Variants in MC2R observed in about 807,000 individuals in gnomAD.
MC2R encodes melanocortin 2 receptor, also known as adrenocorticotropic hormone receptor.
A neutral mutation model predicts 9.8 loss-of-function variants in MC2R; 9 were observed. That is an observed-to-expected ratio of 0.92 (90% CI 0.55 to 1.60). The LOEUF (loss-of-function observed/expected upper bound fraction) is 1.60. Among genes scored for constraint, MC2R ranks in the 40% most tolerant of loss-of-function variants. MC2R has a pLI of 0.00. For missense variants in MC2R, 370 were observed against 389.0 expected (o/e 0.95, Z 0.41); for synonymous variants, 185 against 154.7 (o/e 1.20, Z -1.45).
At chr18:13,899,269 A>T (rs571466685) in intron 1 of MC2R, among the ~76,000 whole-genome samples, 3 of 152,332 alleles carry the variant, frequency 2.0e-5, no homozygotes, top group Non-Finnish European at 4.4e-5. Flanking sequence ...AAGCAGAAGA[A>T]AGAATTAATG....
intron 1 of MC2R, among the ~76,000 whole-genome samples, chr18:13,902,844 C>T (rs8084185): frequency 0.49 from 73,900 of 151,904 alleles, 18,405 homozygotes; most frequent in Middle Eastern, 0.61. Flanking sequence ...ACAAATGGGA[C>T]CACATCAAGT....
Position 13,884,856 on chromosome 18 carries a change from C to G in MC2R, c.663G>C (p.Leu221=), listed in dbSNP as rs2045263785. The G allele has an allele frequency of 6.2e-7, 1 of 1,613,908 alleles. No homozygotes were observed. Among genetic ancestry groups the G allele is most frequent in the East Asian group, 2.2e-5 (1 of 44,880 alleles). The change falls in exon 2 of 2, where the codon CTG becomes CTC. Residue 221 remains leucine (L), a synonymous_variant. Coordinates refer to ENST00000327606, the MANE Select transcript of MC2R (RefSeq NM_000529.2). The stretch of plus-strand genomic sequence containing the variant: ...AGATGAAGACCCCGAGCAGGATGGT[C>G]AGTGTGATGGCCCCTTTCATGTTGG... ...PRANMKGAIT[L]TILLGVFIFC...
At chr18:13,895,767 A>G (rs995873364) in intron 1 of MC2R, among the ~76,000 whole-genome samples, 1 of 152,188 alleles carries the variant, frequency 6.6e-6, no homozygotes, top group South Asian at 2.1e-4. Context: ...TGTGGGACTG[A>G]AAGTGCAGGG....
chr18:13,914,488 G>C lies in MC2R; in HGVS notation c.-129+1000C>G, dbSNP rs142494651. 6.0e-3 allele frequency among the ~76,000 whole-genome samples: 915 copies of C among 152,328 alleles called. 8 individuals are homozygous for C. The highest frequency in any genetic ancestry group is 0.021 in the African/African-American group (876 of 41,562). On this transcript the variant is annotated intron_variant, in intron 1 of 1. Coordinates refer to ENST00000327606, the MANE Select transcript of MC2R (RefSeq NM_000529.2). ...GACCACCGCTTCACTCCCACTCCGG[G>C]GATGGGGTGGGGAGGGCATGTGAGG...
In MC2R at chr18:13,884,121, C is replaced by A; in HGVS notation, c.*504G>T. 1 of 197,632 alleles carries A rather than the reference C, an allele frequency of 5.1e-6. No individual in the cohort carries two copies. Among genetic ancestry groups the A allele is most frequent in the Non-Finnish European group, 1.1e-5 (1 of 95,048 alleles). 12.2% of individuals were successfully genotyped at this position (197,632 alleles called of 1,614,324 possible). A position where few individuals can be genotyped will look rare whatever the true frequency, so the allele number is the denominator to read the frequency against. Reference sequence around the variant, plus strand: ...TGCATTCCTTCCAATTTATTATTGGCTTACAGAGACCCTACATCTTCTGCC... The same window carrying A: ...TGCATTCCTTCCAATTTATTATTGGATTACAGAGACCCTACATCTTCTGCC... On this transcript the variant is annotated 3_prime_UTR_variant, in exon 2 of 2. Coordinates refer to ENST00000327606, the MANE Select transcript of MC2R (RefSeq NM_000529.2).
chr18:13,904,655 A>AACAGGT (rs1555620863), intron 1 of MC2R, among the ~76,000 whole-genome samples: 71,523 of 149,434 alleles, frequency 0.48, 17,443 homozygotes, highest in Middle Eastern at 0.59. Flanking sequence ...CAGTAACCAA[A>AACAGGT]ACAGTAACCA....
At chr18:13,888,236 G>T (rs564551077) in intron 1 of MC2R, among the ~76,000 whole-genome samples, 1 of 152,282 alleles carries the variant, frequency 6.6e-6, no homozygotes, top group South Asian at 2.1e-4. Flanking sequence ...TCCATGGGGA[G>T]CCCTGAATTT....
chr18:13,902,469 G>T (rs2045386045), intron 1 of MC2R, among the ~76,000 whole-genome samples: 1 of 152,006 alleles, frequency 6.6e-6, no homozygotes, highest in African/African-American at 2.4e-5. Context: ...ACCAAAACAG[G>T]CATGGTACTG....
At chr18:13,906,086 G>GA (rs764860125) in intron 1 of MC2R, among the ~76,000 whole-genome samples, 1 of 151,870 alleles carries the variant, frequency 6.6e-6, no homozygotes, top group Non-Finnish European at 1.5e-5. Flanking sequence ...AAAGAAAAAA[G>GA]AAAAAAATAT....
chr18:13,887,683 G>A (rs954194259), intron 1 of MC2R, among the ~76,000 whole-genome samples: 1 of 152,222 alleles, frequency 6.6e-6, no homozygotes, highest in African/African-American at 2.4e-5. Context: ...GAGGATAACA[G>A]ACCAGCTCCT....
intron 1 of MC2R, among the ~76,000 whole-genome samples, chr18:13,915,084 T>TAA (rs1437984938): frequency 2.6e-5 from 4 of 152,160 alleles, no homozygotes. Context: ...TTTGTGGCGC[T>TAA]AAAACCCCCG....
At chr18:13,901,934 G>T (rs1027588093) in intron 1 of MC2R, among the ~76,000 whole-genome samples, 3 of 152,076 alleles carry the variant, frequency 2.0e-5, no homozygotes, top group East Asian at 1.9e-4. Context: ...ATCAAAAAAA[G>T]AAAACTATAG....
At chr18:13,911,234 G>C (rs1001136512) in intron 1 of MC2R, among the ~76,000 whole-genome samples, 1 of 152,152 alleles carries the variant, frequency 6.6e-6, no homozygotes, top group East Asian at 1.9e-4. Context: ...CGGAGTGTCA[G>C]GGAGCAACCC....
At chr18:13,894,326 T>G (rs1232372431) in intron 1 of MC2R, among the ~76,000 whole-genome samples, 1 of 152,214 alleles carries the variant, frequency 6.6e-6, no homozygotes, top group African/African-American at 2.4e-5. Flanking sequence ...CATATCCAAT[T>G]TATCCCAAAC....
intron 1 of MC2R, among the ~76,000 whole-genome samples, chr18:13,890,187 A>C (rs988129440): frequency 3.3e-5 from 5 of 152,302 alleles, no homozygotes; most frequent in African/African-American, 1.2e-4. Context: ...ACCTGTAGAC[A>C]CCACTTGTGG....
intron 1 of MC2R, among the ~76,000 whole-genome samples, chr18:13,888,552 A>C (rs1320209934): frequency 6.6e-6 from 1 of 152,214 alleles, no homozygotes; most frequent in Non-Finnish European, 1.5e-5. Context: ...CCTTGTGACC[A>C]CCATGTCACA....
intron 1 of MC2R, among the ~76,000 whole-genome samples, chr18:13,909,218 C>T (rs953222130): frequency 1.3e-5 from 2 of 152,178 alleles, no homozygotes; most frequent in Non-Finnish European, 2.9e-5. Context: ...AATTGTGTGA[C>T]ATTTTTCTCA....
At position 13,885,383 on chromosome 18, in the gene MC2R, G is replaced by C; in HGVS notation, c.136C>G (p.Leu46Val). The change falls in exon 2 of 2, where the codon CTG (leucine) becomes GTG (valine). Residue 46 changes from leucine (L) to valine (V), a missense_variant. Leu to Val is a conservative substitution (Grantham distance 32). Coordinates refer to ENST00000327606, the MANE Select transcript of MC2R (RefSeq NM_000529.2). ...TTCTTATTCTTGAACACAGCCAGCA[G>C]GACGATCAGATTCTCCAAAACTCCA... is the stretch of plus-strand genomic sequence containing the variant. The part of the protein sequence containing the change: ...IVGVLENLIV[L>V]LAVFKNKNLQ... The C allele has an allele frequency of 6.2e-7, 1 of 1,614,126 alleles. No individual in the cohort carries two copies. Among genetic ancestry groups the C allele is most frequent in the Non-Finnish European group, 8.5e-7 (1 of 1,180,012 alleles).
intron 1 of MC2R, among the ~76,000 whole-genome samples, chr18:13,912,061 T>C (rs772612281): frequency 2.0e-5 from 3 of 152,176 alleles, no homozygotes; most frequent in Admixed American, 2.0e-4. Flanking sequence ...TTCTGTACTG[T>C]GTTGGGCCCA....
Sources: allele counts gnomAD v4.1 joint callset (sites outside exome capture counted in the v4.1 genomes callset), GRCh38; gene constraint gnomAD v4.1.1; transcripts MANE v1.5; gene names NCBI Gene and HGNC (gene_info 2026-07-23, HGNC 2026-07-21).